Variants in PLXNA4 observed in about 807,000 individuals in gnomAD.
PLXNA4 encodes the protein plexin-A4.
PLXNA4 carries 44 observed loss-of-function variants against 191.8 expected under a neutral mutation model. The observed-to-expected ratio is 0.23, with a 90% confidence interval of 0.18 to 0.29. PLXNA4 has a LOEUF of 0.29. PLXNA4 is among the 10% of genes least tolerant of loss of function. The probability of loss-of-function intolerance (pLI) is 1.00; values close to 1 mark genes in which losing one functional copy is unlikely to be tolerated. For synonymous variants in PLXNA4, 1,082 were observed against 1,009.5 expected (o/e 1.07, Z -1.36); for missense variants, 1,800 against 2,488.8 (o/e 0.72, Z 5.89).
chr7:132,606,335 C>A (rs1248435287), intron 2 of PLXNA4, among the ~76,000 whole-genome samples: 1 of 152,170 alleles, frequency 6.6e-6, no homozygotes, highest in Non-Finnish European at 1.5e-5. Flanking sequence ...TTTAAGCCAC[C>A]TAGGTTGTGG....
At chr7:132,525,694 C>T (rs1015153671) in intron 1 of PLXNA4, among the ~76,000 whole-genome samples, 1 of 152,136 alleles carries the variant, frequency 6.6e-6, no homozygotes, top group South Asian at 2.1e-4. Context: ...TGGGTGAAAA[C>T]ATGTCCCTTT....
At chr7:132,547,866 T>C (rs1800377082) in intron 1 of PLXNA4, among the ~76,000 whole-genome samples, 1 of 152,170 alleles carries the variant, frequency 6.6e-6, no homozygotes, top group African/African-American at 2.4e-5. Flanking sequence ...GCCCTGGGGA[T>C]GGCAAGAAAG....
At chr7:132,203,176 GA>G (rs1797498116) in intron 11 of PLXNA4, 146 bp downstream of exon 11, 17 of 709,990 alleles carry the variant, frequency 2.4e-5, no homozygotes, top group Non-Finnish European at 3.8e-5. Flanking sequence ...AGATGGTGGA[GA>G]GGCTGTGAAG....
At chr7:132,474,637 C>T (rs1157147293) in intron 3 of PLXNA4, among the ~76,000 whole-genome samples, 8 of 143,148 alleles carry the variant, frequency 5.6e-5, no homozygotes, top group Non-Finnish European at 1.2e-4. Flanking sequence ...CACACACACA[C>T]GCGCGCGCAC....
intron 1 of PLXNA4, among the ~76,000 whole-genome samples, chr7:132,567,006 T>A (rs925515719): frequency 6.6e-6 from 1 of 152,100 alleles, no homozygotes; most frequent in Non-Finnish European, 1.5e-5. Context: ...AAGGTCACCA[T>A]CTCCCAAAAT....
intron 4 of PLXNA4, among the ~76,000 whole-genome samples, chr7:132,286,801 A>G (rs1800698592): frequency 6.6e-6 from 1 of 152,344 alleles, no homozygotes; most frequent in East Asian, 1.9e-4. Flanking sequence ...AGAAAAATCC[A>G]GAGACAACAT....
At chr7:132,132,225 G>A (rs902878302) in intron 31 of PLXNA4, among the ~76,000 whole-genome samples, 3 of 152,214 alleles carry the variant, frequency 2.0e-5, no homozygotes, top group African/African-American at 7.2e-5. Context: ...AGATGTCTGA[G>A]GGGCCTCTCT....
rs1562996488 is a variant in PLXNA4 at position 132,259,459 on chromosome 7, AAAAAAAAAAAAAAAGAAAAAAGG to A, written c.1504-18316_1504-18294del. ...CTCAAAAAAAAAAAAAAAAAAAAAAAAAAAAAAAAAAAAAGAAAAAAGGAAAAAAGAAAAGCAAAAGAAAACCA... is the reference window on the plus strand; with the variant it reads ...CTCAAAAAAAAAAAAAAAAAAAAAAAAAAAAAGAAAAGCAAAAGAAAACCA... On this transcript the variant is annotated intron_variant, in intron 4 of 31. Transcript: ENST00000321063. Among the ~76,000 whole-genome samples, 41 of 138,750 alleles carry A rather than the reference AAAAAAAAAAAAAAAGAAAAAAGG, an allele frequency of 3.0e-4. 3 individuals carry two copies. Among genetic ancestry groups the A allele is most frequent in the African/African-American group, 1.1e-3 (40 of 36,552 alleles). The allele number at this position is 138,750 out of a possible 152,430, so 91.0% of individuals were successfully genotyped here.
chr7:132,180,050 T>G, intron 19 of PLXNA4, 129 bp from the exon 20 acceptor site: 1 of 1,424,112 alleles, frequency 7.0e-7, no homozygotes, highest in Non-Finnish European at 9.3e-7. Flanking sequence ...GGTGTCAAAA[T>G]AGACAAGAGG....
chr7:132,298,583 G>A (rs985289689), intron 3 of PLXNA4, among the ~76,000 whole-genome samples: 4 of 152,202 alleles, frequency 2.6e-5, no homozygotes, highest in Non-Finnish European at 5.9e-5. Context: ...AGATCAGAGC[G>A]TCACCCTGCA....
upstream of PLXNA4, among the ~76,000 whole-genome samples, chr7:132,581,021 TCAC>T (rs566575502): frequency 6.6e-6 from 1 of 152,200 alleles, no homozygotes; most frequent in South Asian, 2.1e-4. Flanking sequence ...TCTGCATGTG[TCAC>T]CACATGTCCA....
At chr7:132,131,992 G>C (rs1415993391) in intron 31 of PLXNA4, among the ~76,000 whole-genome samples, 1 of 152,258 alleles carries the variant, frequency 6.6e-6, no homozygotes, top group Non-Finnish European at 1.5e-5. Context: ...GGAGGAAATA[G>C]AGAACTCGGG....
chr7:132,245,953 T>C (rs1174847990), intron 4 of PLXNA4, among the ~76,000 whole-genome samples: 1 of 152,226 alleles, frequency 6.6e-6, no homozygotes, highest in African/African-American at 2.4e-5. Context: ...AAGGAGTTAC[T>C]CTTTAATGGG....
intron 3 of PLXNA4, among the ~76,000 whole-genome samples, chr7:132,318,550 T>A (rs1802036905): frequency 6.6e-6 from 1 of 151,750 alleles, no homozygotes; most frequent in African/African-American, 2.4e-5. Flanking sequence ...CCCTGCAGAA[T>A]GAGCGTTTCC....
At chr7:132,388,178 C>G (rs1805238715) in intron 3 of PLXNA4, among the ~76,000 whole-genome samples, 2 of 152,164 alleles carry the variant, frequency 1.3e-5, no homozygotes, top group South Asian at 2.1e-4. Context: ...AGGTGGGGTA[C>G]AGCCAATCCC....
intron 4 of PLXNA4, among the ~76,000 whole-genome samples, chr7:132,289,725 A>G (rs1357007748): frequency 6.6e-6 from 1 of 151,618 alleles, no homozygotes; most frequent in Admixed American, 6.6e-5. Context: ...TAGAGATGGG[A>G]TTTTGCCATA....
intron 3 of PLXNA4, among the ~76,000 whole-genome samples, chr7:132,315,526 C>G (rs960265168): frequency 6.6e-6 from 1 of 152,186 alleles, no homozygotes; most frequent in African/African-American, 2.4e-5. Flanking sequence ...AACTAAGACT[C>G]AGATGGGCTA....
intron 2 of PLXNA4, among the ~76,000 whole-genome samples, chr7:132,598,109 T>A (rs1802750978): frequency 6.6e-6 from 1 of 151,992 alleles, no homozygotes; most frequent in Non-Finnish European, 1.5e-5. Context: ...TATATATTCT[T>A]TTTTTTTGTA....
chr7:132,234,784 A>G (rs922379127), intron 5 of PLXNA4, among the ~76,000 whole-genome samples: 1 of 152,142 alleles, frequency 6.6e-6, no homozygotes, highest in African/African-American at 2.4e-5. Flanking sequence ...ACAGAGGCTG[A>G]TAGCTTTTTG....
Sources: gnomAD v4.1 joint callset for allele counts (sites outside exome capture counted in the v4.1 genomes callset) on GRCh38, gnomAD v4.1.1 for gene constraint, MANE v1.5 for transcripts, NCBI Gene and HGNC (gene_info 2026-07-23, HGNC 2026-07-21) for gene names.